ST8SIA6: variants seen among roughly 807,000 people sequenced by gnomAD.
ST8SIA6 encodes ST8 alpha-N-acetyl-neuraminide alpha-2,8-sialyltransferase 6.
A neutral mutation model predicts 33.6 loss-of-function variants in ST8SIA6; 39 were observed. That is an observed-to-expected ratio of 1.16 (90% CI 0.90 to 1.52). The LOEUF is 1.52. Among genes scored for constraint, ST8SIA6 ranks in the 40% most tolerant of loss-of-function variants. The pLI, the probability that ST8SIA6 is intolerant of heterozygous loss-of-function variation, is 0.00. For missense variants in ST8SIA6, 441 were observed against 443.8 expected (o/e 0.99, Z 0.06); for synonymous variants, 172 against 167.2 (o/e 1.03, Z -0.22).
intron 3 of ST8SIA6, among the ~76,000 whole-genome samples, chr10:17,369,655 T>G (rs1292677029): frequency 2.0e-5 from 3 of 150,722 alleles, no homozygotes; most frequent in African/African-American, 7.3e-5. Context: ...AAGTGGATAT[T>G]GAAGTTTTGA....
chr10:17,412,555 C>G (rs1026302355), intron 2 of ST8SIA6, among the ~76,000 whole-genome samples: 17 of 152,142 alleles, frequency 1.1e-4, no homozygotes, highest in African/African-American at 4.1e-4. Context: ...CTCTAAAGGT[C>G]AATGCATTGT....
At chr10:17,365,745 G>A (rs1196619158) in intron 3 of ST8SIA6, among the ~76,000 whole-genome samples, 1 of 152,106 alleles carries the variant, frequency 6.6e-6, no homozygotes, top group Non-Finnish European at 1.5e-5. Context: ...CTACTGTATT[G>A]GGTACTTACT....
intron 2 of ST8SIA6, among the ~76,000 whole-genome samples, chr10:17,398,558 C>T (rs1436954826): frequency 6.6e-6 from 1 of 152,094 alleles, no homozygotes; most frequent in East Asian, 1.9e-4. Context: ...AAATGGGCAA[C>T]AAAGGAGTTT....
chr10:17,335,544 A>T (rs1459257064), intron 4 of ST8SIA6, among the ~76,000 whole-genome samples: 2 of 152,202 alleles, frequency 1.3e-5, no homozygotes, highest in African/African-American at 2.4e-5. Context: ...ATGTTAAAAT[A>T]TTCATTAAAA....
chr10:17,400,542 C>T (rs1398329263), intron 2 of ST8SIA6, among the ~76,000 whole-genome samples: 3 of 152,126 alleles, frequency 2.0e-5, no homozygotes, highest in African/African-American at 7.2e-5. Context: ...AAATAAAATC[C>T]TGGCAAACCA....
intron 2 of ST8SIA6, among the ~76,000 whole-genome samples, chr10:17,432,252 G>C (rs749230457): frequency 1.3e-5 from 2 of 152,208 alleles, no homozygotes; most frequent in Non-Finnish European, 2.9e-5. Context: ...AAGGACTTCA[G>C]CTTTCACTGA....
At chr10:17,443,472 G>T (rs192558254) in intron 2 of ST8SIA6, among the ~76,000 whole-genome samples, 1 of 152,220 alleles carries the variant, frequency 6.6e-6, no homozygotes, top group Non-Finnish European at 1.5e-5. Context: ...GAGAATTTCG[G>T]TGTATTTTAC....
At chr10:17,349,744 A>G (rs1464169120) in intron 4 of ST8SIA6, among the ~76,000 whole-genome samples, 1 of 152,216 alleles carries the variant, frequency 6.6e-6, no homozygotes, top group African/African-American at 2.4e-5. Context: ...AATGCCTGAA[A>G]CAAACAAGAC....
At chr10:17,332,974 G>A (rs1480315791) in intron 4 of ST8SIA6, among the ~76,000 whole-genome samples, 2 of 152,048 alleles carry the variant, frequency 1.3e-5, no homozygotes, top group Admixed American at 6.6e-5. Flanking sequence ...TGTCAGATGG[G>A]TAGATTGCAA....
At chr10:17,442,119 G>T (rs755368840) in intron 2 of ST8SIA6, among the ~76,000 whole-genome samples, 1 of 151,522 alleles carries the variant, frequency 6.6e-6, no homozygotes, top group Non-Finnish European at 1.5e-5. Flanking sequence ...CACCTGCCTC[G>T]GCCTCCCGAA....
intron 6 of ST8SIA6, among the ~76,000 whole-genome samples, chr10:17,323,921 A>G (rs1204580565): frequency 6.6e-6 from 1 of 152,166 alleles, no homozygotes; most frequent in African/African-American, 2.4e-5. Context: ...AGAAGCAAAG[A>G]CTAAATTAAA....
chr10:17,432,851 C>A (rs1233826274), intron 2 of ST8SIA6, among the ~76,000 whole-genome samples: 2 of 152,216 alleles, frequency 1.3e-5, no homozygotes, highest in Non-Finnish European at 2.9e-5. Flanking sequence ...TTCAACGACT[C>A]ATAGACTGCT....
At chr10:17,350,540 C>A (rs1056055241) in intron 4 of ST8SIA6, among the ~76,000 whole-genome samples, 19 of 151,836 alleles carry the variant, frequency 1.3e-4, no homozygotes, top group African/African-American at 4.6e-4. Flanking sequence ...CAAAACAAAA[C>A]AAAAATGATC....
In ST8SIA6 at chr10:17,425,907, C is replaced by G. The variant is rs535278990; in HGVS notation, c.200+27652G>C. ...TGACATCTGGGAAAAACTGTGAGGG[C>G]CTCAAATGCCCTAACTGCAAGTTCC... On this transcript the variant is annotated intron_variant, in intron 2 of 7. Transcript: ENST00000377602. 9.2e-5 allele frequency among the ~76,000 whole-genome samples: 14 copies of G among 152,228 alleles called. No homozygotes were observed. The South Asian group carries it at 2.7e-3, about 29-fold the overall frequency.
intron 5 of ST8SIA6, among the ~76,000 whole-genome samples, chr10:17,327,704 T>A (rs1177629010): frequency 6.6e-6 from 1 of 152,020 alleles, no homozygotes; most frequent in Non-Finnish European, 1.5e-5. Context: ...GCCAAGAGTT[T>A]AAGATGGGCC....
chr10:17,424,038 C>G (rs1851859398), intron 2 of ST8SIA6, among the ~76,000 whole-genome samples: 1 of 152,146 alleles, frequency 6.6e-6, no homozygotes, highest in African/African-American at 2.4e-5. Flanking sequence ...CAGCAACATT[C>G]TCTCCATCAC....
intron 2 of ST8SIA6, among the ~76,000 whole-genome samples, chr10:17,416,434 A>G (rs1851610860): frequency 1.3e-5 from 2 of 152,208 alleles, no homozygotes; most frequent in South Asian, 2.1e-4. Context: ...ACTCATTTAT[A>G]TGGTCGAAAT....
At chr10:17,395,297 A>T (rs1032655173) in intron 2 of ST8SIA6, among the ~76,000 whole-genome samples, 1 of 152,150 alleles carries the variant, frequency 6.6e-6, no homozygotes, top group African/African-American at 2.4e-5. Context: ...ATGAAAATTG[A>T]CTAATATACT....
intron 3 of ST8SIA6, among the ~76,000 whole-genome samples, chr10:17,369,256 T>C (rs1012929767): frequency 1.2e-4 from 18 of 152,222 alleles, no homozygotes; most frequent in African/African-American, 4.1e-4. Context: ...CCATAAGTTT[T>C]GGTATGCTAT....
Sources: gnomAD v4.1 joint callset for allele counts (sites outside exome capture counted in the v4.1 genomes callset) on GRCh38, gnomAD v4.1.1 for gene constraint, MANE v1.5 for transcripts, NCBI Gene and HGNC (gene_info 2026-07-23, HGNC 2026-07-21) for gene names.